RSRP1: variants seen among roughly 807,000 people sequenced by gnomAD.
RSRP1 encodes arginine and serine rich protein 1, also known as arginine/serine-rich protein 1.
A neutral mutation model predicts 33.0 loss-of-function variants in RSRP1; 37 were observed. The observed-to-expected ratio is 1.12, with a 90% CI of 0.86 to 1.48. RSRP1 has a LOEUF of 1.48. Among genes scored for constraint, RSRP1 ranks in the 40% most tolerant of loss-of-function variants. The pLI, the probability that RSRP1 is intolerant of heterozygous loss-of-function variation, is 0.00. For missense variants in RSRP1, 402 were observed against 385.3 expected (o/e 1.04, Z -0.36); for synonymous variants, 167 against 158.7 (o/e 1.05, Z -0.40).
intron 3 of RSRP1, 72 bp from the exon 4 acceptor site, chr1:25,243,705 G>A: frequency 1.3e-6 from 2 of 1,567,466 alleles, no homozygotes; most frequent in Non-Finnish European, 8.7e-7. Flanking sequence ...TTAAAAAATA[G>A]CCTAATTGTA....
At chr1:25,313,994 G>T (rs1401293209) in intron 1 of RSRP1, among the ~76,000 whole-genome samples, 2 of 132,678 alleles carry the variant, frequency 1.5e-5, no homozygotes, top group Admixed American at 7.3e-5. Context: ...GGAGGATTTG[G>T]GTAGTTTCCA....
chr1:25,287,707 G>A (rs561113333), intron 1 of RSRP1, among the ~76,000 whole-genome samples: 5 of 135,336 alleles, frequency 3.7e-5, no homozygotes, highest in Non-Finnish European at 5.3e-5. Context: ...GAACTCTGAA[G>A]TGGGATGTTT....
rs1644569713 is a variant in RSRP1, at chr1:25,319,209, T to C, written c.-67+18769A>G. ...TTGCAAAGTACCAGGAGGTCTTTTC[T>C]TATTCTTCACTGGAGTCAAAAAAGA... On this transcript the variant is annotated intron_variant, in intron 1 of 1. Coordinates refer to the RSRP1 transcript ENST00000561867. Among the ~76,000 whole-genome samples the C allele has an allele frequency of 1.5e-5, 2 of 132,578 alleles. 1 individual carries two copies. Among genetic ancestry groups the C allele is most frequent in the Admixed American group, 1.5e-4 (2 of 13,584 alleles). The allele number at this position is 132,578 out of a possible 152,430, so 87.0% of individuals were successfully genotyped here.
At chr1:25,263,566 C>G (rs1248055716) in intron 1 of RSRP1, among the ~76,000 whole-genome samples, 7 of 151,904 alleles carry the variant, frequency 4.6e-5, no homozygotes, top group Admixed American at 1.3e-4. Context: ...GACCTGTCCC[C>G]ATGATTCAGT....
At chr1:25,250,391 G>A (rs992413887), upstream of RSRP1, among the ~76,000 whole-genome samples, 48 of 152,218 alleles carry the variant, frequency 3.2e-4, no homozygotes, top group African/African-American at 1.2e-3. Flanking sequence ...AATGGAGTCT[G>A]TCCGGCTCTG....
chr1:25,268,862 C>A (rs554288515), intron 1 of RSRP1, among the ~76,000 whole-genome samples: 2 of 128,096 alleles, frequency 1.6e-5, no homozygotes, highest in South Asian at 4.8e-4. Context: ...GCGGGAGAAT[C>A]ACTTGAACCT....
At position 25,247,311 on chromosome 1, in the gene RSRP1, C is replaced by A. The variant is rs993824087; in HGVS notation, c.-69G>T. The stretch of plus-strand genomic sequence containing the variant: ...GACCCCGTCAGCAGAAAACTTACCG[C>A]ACGCCGTCGACGCCTCCCTCACGAC... On this transcript the variant is annotated splice_region_variant and 5_prime_UTR_variant, in exon 1 of 5. Coordinates refer to ENST00000243189, the MANE Select transcript of RSRP1 (RefSeq NM_020317.5). 11 of 275,022 alleles carry A rather than the reference C, an allele frequency of 4.0e-5. No individual in the cohort carries two copies. Among genetic ancestry groups the A allele is most frequent in the Admixed American group, 9.9e-5 (2 of 20,218 alleles). 17.0% of individuals were successfully genotyped at this position (275,022 alleles called of 1,614,324 possible).
chr1:25,309,616 T>C (rs1644032967), intron 1 of RSRP1, among the ~76,000 whole-genome samples: 1 of 132,474 alleles, frequency 7.5e-6, no homozygotes, highest in African/African-American at 2.6e-5. Context: ...AATTCATGAA[T>C]GTTGTCCTCA....
Position 25,320,117 on chromosome 1 carries a change from C to T in RSRP1, c.-67+17861G>A, listed in dbSNP as rs1256402191. 1.5e-5 allele frequency among the ~76,000 whole-genome samples: 2 copies of T among 131,018 alleles called. 1 individual carries two copies. Among genetic ancestry groups the T allele is most frequent in the Non-Finnish European group, 3.6e-5 (2 of 55,386 alleles). 86.0% of individuals were successfully genotyped at this position (131,018 alleles called of 152,430 possible). A position where few individuals can be genotyped will look rare whatever the true frequency, so the allele number is the denominator to read the frequency against. Reference sequence around the variant, plus strand: ...TTCTCCATGTTGGTCATGCTGGTCTCGAACTCCTGACCTCAGGTGATCCGC... The same window carrying T: ...TTCTCCATGTTGGTCATGCTGGTCTTGAACTCCTGACCTCAGGTGATCCGC... On this transcript the variant is annotated intron_variant, in intron 1 of 1. Coordinates refer to the RSRP1 transcript ENST00000561867.
chr1:25,249,364 G>C (rs1000819430), upstream of RSRP1, among the ~76,000 whole-genome samples: 1 of 151,804 alleles, frequency 6.6e-6, no homozygotes, highest in African/African-American at 2.4e-5. Context: ...TTTTAAGACA[G>C]TCTCGCTTTG....
chr1:25,255,389 T>G (rs1639915107), intron 1 of RSRP1, among the ~76,000 whole-genome samples: 1 of 152,238 alleles, frequency 6.6e-6, no homozygotes, highest in African/African-American at 2.4e-5. Flanking sequence ...TTAGCACTTG[T>G]CTGGCCCTGT....
chr1:25,251,557 C>T (rs947069588), upstream of RSRP1, among the ~76,000 whole-genome samples: 3 of 151,838 alleles, frequency 2.0e-5, no homozygotes, highest in African/African-American at 4.8e-5. Flanking sequence ...TTAGTAGAGA[C>T]GGGGTTTCTC....
chr1:25,292,262 T>C (rs1264802447), intron 1 of RSRP1, among the ~76,000 whole-genome samples: 1 of 130,320 alleles, frequency 7.7e-6, no homozygotes, highest in Non-Finnish European at 1.8e-5. Flanking sequence ...AACTAGGGAG[T>C]GTTGGGCAGA....
intron 3 of RSRP1, chr1:25,244,711 G>T: frequency 8.4e-7 from 1 of 1,184,568 alleles, no homozygotes; most frequent in Non-Finnish European, 1.1e-6. Flanking sequence ...TTGAGACAGG[G>T]TCTCGCTCTG....
intron 1 of RSRP1, among the ~76,000 whole-genome samples, chr1:25,297,862 C>T (rs1224016107): frequency 1.5e-5 from 2 of 131,398 alleles, no homozygotes; most frequent in African/African-American, 5.3e-5. Context: ...ACACAAAGAA[C>T]CTCCAAGGGC....
chr1:25,267,806 T>A (rs1640358867), intron 1 of RSRP1: 1 of 130,990 alleles, frequency 7.6e-6, no homozygotes, highest in Non-Finnish European at 1.8e-5. Flanking sequence ...ACAGAGCAAC[T>A]TCTCACGCCT....
intron 1 of RSRP1, chr1:25,336,947 A>C (rs1402398512): frequency 6.6e-6 from 1 of 152,112 alleles, no homozygotes; most frequent in Non-Finnish European, 1.5e-5. Flanking sequence ...AAAGGAAACA[A>C]CAGTCACCTT....
chr1:25,315,784 C>A (rs1312445720), intron 1 of RSRP1, among the ~76,000 whole-genome samples: 2 of 130,938 alleles, frequency 1.5e-5, no homozygotes, highest in African/African-American at 5.3e-5. Flanking sequence ...GTGTGAGCCA[C>A]CACACCCGGC....
rs771694043 is a variant in RSRP1, at chr1:25,307,359, C to T, written c.-67+30619G>A. On this transcript the variant is annotated intron_variant, in intron 1 of 1. Coordinates refer to the RSRP1 transcript ENST00000561867. ...AATGGTCAGTTTGACACACCAGAGC[C>T]CTAGCCATTACTTCCTGGATGTTGT... Among the ~76,000 whole-genome samples the T allele has an allele frequency of 4.6e-5, 6 of 131,100 alleles. 2 individuals are homozygous for T. Among genetic ancestry groups the T allele is most frequent in the Non-Finnish European group, 1.1e-4 (6 of 55,520 alleles). The allele number at this position is 131,100 out of a possible 152,430, so 86.0% of individuals were successfully genotyped here.
Sources: gnomAD v4.1 joint callset for allele counts (sites outside exome capture counted in the v4.1 genomes callset) on GRCh38, gnomAD v4.1.1 for gene constraint, MANE v1.5 for transcripts, NCBI Gene and HGNC (gene_info 2026-07-23, HGNC 2026-07-21) for gene names.